The following ANKRD11 variants were observed in gnomAD, a reference collection of about 807,000 sequenced individuals.
ANKRD11 encodes the protein ankyrin repeat domain-containing protein 11.
In ANKRD11, 17 loss-of-function variants were observed where a neutral mutation model predicts 195.7. The ratio of observed to expected loss-of-function variants is 0.09; its 90% CI spans 0.06 to 0.13. The LOEUF is 0.13. ANKRD11 is among the 10% of genes least tolerant of loss of function. The pLI is 1.00. For missense variants in ANKRD11, 3,735 were observed against 3,566.1 expected (o/e 1.05, Z -1.21); for synonymous variants, 1,953 against 1,528.1 (o/e 1.28, Z -6.49).
chr16:89,272,951 T>G (rs761544578), intron 11 of ANKRD11: 2 of 151,030 alleles, frequency 1.3e-5, no homozygotes, highest in Non-Finnish European at 2.9e-5. Flanking sequence ...ATCAGAACAA[T>G]TGAGCTCATG....
chr16:89,284,410 A>G lies in ANKRD11; in HGVS notation c.2132T>C (p.Leu711Pro). The change falls in exon 9 of 13, where the codon CTC becomes CCC. Residue 711 changes from leucine (L) to proline (P), a missense_variant. Coordinates refer to ENST00000301030, the MANE Select transcript of ANKRD11 (RefSeq NM_013275.6). ...SKMKLEEKEW[L>P]FKDEKSLKRI... The stretch of plus-strand genomic sequence containing the variant: ...CTTCAGTGATTTTTCATCTTTAAAG[A>G]GCCATTCTTTTTCTTCTAATTTCAT... The G allele has an allele frequency of 1.9e-6, 3 of 1,613,426 alleles. No individual in the cohort carries two copies. Among genetic ancestry groups the G allele is most frequent in the East Asian group, 4.5e-5 (2 of 44,874 alleles).
At chr16:89,489,426 C>A (rs1331668349) in intron 1 of ANKRD11, among the ~76,000 whole-genome samples, 1 of 147,448 alleles carries the variant, frequency 6.8e-6, no homozygotes, top group African/African-American at 2.5e-5. Flanking sequence ...TACCCTCCCC[C>A]TAACACCCCC....
chr16:89,470,029 T>C (rs953662820), intron 1 of ANKRD11, among the ~76,000 whole-genome samples: 19 of 148,538 alleles, frequency 1.3e-4, no homozygotes, highest in Non-Finnish European at 2.7e-4. Flanking sequence ...CCTCAGCCTC[T>C]CGAGTAGCTG....
At chr16:89,351,063 A>G (rs2039192671) in intron 2 of ANKRD11, among the ~76,000 whole-genome samples, 6 of 152,194 alleles carry the variant, frequency 3.9e-5, no homozygotes, top group Admixed American at 3.9e-4. Context: ...CCCGACCGCT[A>G]TTAAAATTGA....
intron 1 of ANKRD11, among the ~76,000 whole-genome samples, chr16:89,442,294 C>A (rs867912686): frequency 6.6e-6 from 1 of 152,302 alleles, no homozygotes; most frequent in Middle Eastern, 3.4e-3. Context: ...TACAATCTAA[C>A]TCTACACTCT....
chr16:89,350,102 C>T (rs1376527927), intron 2 of ANKRD11, among the ~76,000 whole-genome samples: 2 of 152,160 alleles, frequency 1.3e-5, no homozygotes, highest in Non-Finnish European at 2.9e-5. Flanking sequence ...AAAAGACAAG[C>T]AACATCATTT....
rs774477661 is a variant in ANKRD11, at chr16:89,280,195, T to C, written c.6347A>G (p.Glu2116Gly). 1 of 1,608,710 alleles carries C rather than the reference T, an allele frequency of 6.2e-7. No individual in the cohort carries two copies. The highest frequency in any genetic ancestry group is 1.1e-5 in the South Asian group (1 of 90,906). ...SRGLSHLGQV[E>G]PVPWADAFAG... ...GAAGGCGTCCGCCCAGGGCACCGGC[T>C]CCACCTGGCCGAGGTGAGACAGGCC... Residue 2116 changes from glutamate (E) to glycine (G), a missense_variant, in exon 9 of 13, where the codon GAG (glutamate) becomes GGG (glycine). Transcript: ENST00000301030.
chr16:89,314,036 C>G (rs1383107248), intron 3 of ANKRD11, among the ~76,000 whole-genome samples: 1 of 152,138 alleles, frequency 6.6e-6, no homozygotes, highest in Non-Finnish European at 1.5e-5. Flanking sequence ...CCAGCCTTGG[C>G]AACATGGTAA....
intron 2 of ANKRD11, among the ~76,000 whole-genome samples, chr16:89,381,954 A>G (rs2040676995): frequency 6.6e-6 from 1 of 152,164 alleles, no homozygotes; most frequent in South Asian, 2.1e-4. Context: ...GACTGTATCT[A>G]GTTCTATCTT....
chr16:89,475,768 G>A lies in ANKRD11; in HGVS notation c.-145+14477C>T, dbSNP rs568514364. Among the ~76,000 whole-genome samples, 54 of 152,202 alleles carry A rather than the reference G, an allele frequency of 3.5e-4. 1 individual carries two copies. The highest frequency in any genetic ancestry group is 1.3e-3 in the African/African-American group (53 of 41,538). ...AAGGAACACGAAAACAACTGACCCC[G>A]GCCAGGTGCGGGGGCTCACACCTGG... is the stretch of plus-strand genomic sequence containing the variant. On this transcript the variant is annotated intron_variant, in intron 1 of 12. Transcript: ENST00000301030.
chr16:89,375,027 A>G (rs987635950), intron 2 of ANKRD11, among the ~76,000 whole-genome samples: 5 of 152,126 alleles, frequency 3.3e-5, no homozygotes, highest in African/African-American at 1.2e-4. Flanking sequence ...TAAAAAATTA[A>G]ACGCTTATAA....
Position 89,284,804 on chromosome 16 carries a change from A to C in ANKRD11, c.1738T>G (p.Ser580Ala). 1 of 1,613,608 alleles carries C rather than the reference A, an allele frequency of 6.2e-7. No homozygotes were observed. Among genetic ancestry groups the C allele is most frequent in the South Asian group, 1.1e-5 (1 of 91,048 alleles). ...RTRLTSESDYSSEGSSVESLK... is the reference protein window; with the variant it reads ...RTRLTSESDYASEGSSVESLK... ...GATTCCACACTGGAGCCCTCAGAGG[A>C]GTAGTCAGACTCGCTTGTCAGTCTC... is the stretch of plus-strand genomic sequence containing the variant. The change falls in exon 9 of 13, where the codon TCC becomes GCC. Residue 580 changes from serine to alanine, a missense_variant. Transcript: ENST00000301030.
chr16:89,470,212 C>T (rs145446010), intron 1 of ANKRD11, among the ~76,000 whole-genome samples: 32 of 152,078 alleles, frequency 2.1e-4, no homozygotes, highest in South Asian at 4.2e-4. Context: ...ATAATGTCAC[C>T]GGCCTATAAT....
At chr16:89,345,267 C>T (rs969479231) in intron 2 of ANKRD11, among the ~76,000 whole-genome samples, 5 of 143,836 alleles carry the variant, frequency 3.5e-5, no homozygotes, top group African/African-American at 1.3e-4. Flanking sequence ...CACCCCCCGG[C>T]AAAAGGAGAG....
intron 11 of ANKRD11, 165 bp downstream of exon 11, chr16:89,274,649 T>G (rs1193235046): frequency 4.6e-6 from 5 of 1,076,908 alleles, no homozygotes; most frequent in Non-Finnish European, 6.9e-6. Context: ...GGCTCCTTTC[T>G]GAGGCTCGCC....
At chr16:89,429,607 G>C (rs1362235766) in intron 1 of ANKRD11, among the ~76,000 whole-genome samples, 11 of 24,774 alleles carry the variant, frequency 4.4e-4, no homozygotes, top group South Asian at 1.9e-3. Context: ...TCAACTCTCA[G>C]GCTCAGTCGT....
At chr16:89,463,048 TG>T (rs1421160369) in intron 1 of ANKRD11, among the ~76,000 whole-genome samples, 3 of 102,272 alleles carry the variant, frequency 2.9e-5, no homozygotes, top group South Asian at 3.2e-4. Flanking sequence ...GGGAGGGAGG[TG>T]GGGGGGTCAG....
rs766233080 is a variant in ANKRD11 at position 89,280,392 on chromosome 16, G to A, written c.6150C>T (p.Thr2050=). Reference sequence around the variant, plus strand: ...GAGGGGCGTAGGGAGCCGCCTCTGAGGTGGAGATGGCGGCGGGGACGGCGT... The same window carrying A: ...GAGGGGCGTAGGGAGCCGCCTCTGAAGTGGAGATGGCGGCGGGGACGGCGT... ...GVDAVPAAIS[T]SEAAPYAPPS... The change falls in exon 9 of 13, where the codon ACC becomes ACT. Residue 2050 remains threonine, a synonymous_variant. Transcript: ENST00000301030. 3 of 1,562,222 alleles carry A rather than the reference G, an allele frequency of 1.9e-6. No homozygotes were observed. Among genetic ancestry groups the A allele is most frequent in the South Asian group, 2.4e-5 (2 of 83,886 alleles).
rs370800421 is a variant in ANKRD11, at chr16:89,268,680, G to C, written c.7807-17C>G. 2 of 1,572,768 alleles carry C rather than the reference G, an allele frequency of 1.3e-6. No individual in the cohort carries two copies. The highest frequency in any genetic ancestry group is 1.7e-6 in the Non-Finnish European group (2 of 1,159,176). ...GAGGCAAGTCTGCGGGACACACAGC[G>C]GGGAGAGGAGGGAGGAGGAGTGAAG... On this transcript the variant is annotated splice_polypyrimidine_tract_variant and intron_variant, in intron 12 of 12. Transcript: ENST00000301030.
Sources: gnomAD v4.1 joint callset for allele counts (sites outside exome capture counted in the v4.1 genomes callset) on GRCh38, gnomAD v4.1.1 for gene constraint, MANE v1.5 for transcripts, NCBI Gene and HGNC (gene_info 2026-07-23, HGNC 2026-07-21) for gene names.